Variants in GLIS3 observed in about 807,000 individuals in gnomAD.
The protein encoded by GLIS3 is GLIS family zinc finger 3.
GLIS3 carries 53 observed loss-of-function variants against 78.6 expected under a neutral mutation model. The observed-to-expected ratio is 0.67, with a 90% CI of 0.54 to 0.85. The LOEUF is 0.85. GLIS3 is among the 40% of genes least tolerant of loss of function. The probability of loss-of-function intolerance (pLI) is 0.00; values close to 1 mark genes in which losing one functional copy is unlikely to be tolerated. For missense variants in GLIS3, 1,703 were observed against 1,231.1 expected, an observed-to-expected ratio of 1.38 and a Z score of -5.74; for synonymous variants, 684 against 509.9, an observed-to-expected ratio of 1.34 and a Z score of -4.60.
chr9:4,132,959 G>A (rs1833088043), intron 2 of GLIS3, among the ~76,000 whole-genome samples: 1 of 152,094 alleles, frequency 6.6e-6, no homozygotes. Context: ...TAACTCATAA[G>A]GTTGTTCTGA....
chr9:3,832,150 T>C (rs549740013), intron 9 of GLIS3, among the ~76,000 whole-genome samples: 3 of 151,062 alleles, frequency 2.0e-5, no homozygotes, highest in South Asian at 2.1e-4. Flanking sequence ...TACTGCGTTA[T>C]AAAGATTAAA....
At chr9:4,260,162 G>C (rs1300095846) in intron 2 of GLIS3, among the ~76,000 whole-genome samples, 1 of 152,228 alleles carries the variant, frequency 6.6e-6, no homozygotes, top group Non-Finnish European at 1.5e-5. Flanking sequence ...CATTGGGCCA[G>C]GCCCGATGGC....
intron 4 of GLIS3, among the ~76,000 whole-genome samples, chr9:3,981,071 G>A (rs1472935316): frequency 6.6e-6 from 1 of 152,204 alleles, no homozygotes; most frequent in Non-Finnish European, 1.5e-5. Flanking sequence ...GAACTGAGAG[G>A]AGGGGGTCAG....
At chr9:4,439,089 CGCTTTCAT>C in the GLIS3 span, among the ~76,000 whole-genome samples, 3 of 152,108 alleles carry the variant, frequency 2.0e-5, no homozygotes, top group African/African-American at 7.2e-5. Flanking sequence ...CTCTTCAACA[CGCTTTCAT>C]GTTTTACCCC....
At chr9:3,964,026 C>A (rs1320711183) in intron 4 of GLIS3, among the ~76,000 whole-genome samples, 1 of 152,144 alleles carries the variant, frequency 6.6e-6, no homozygotes, top group Non-Finnish European at 1.5e-5. Flanking sequence ...AACTGCGTCC[C>A]CGCACACTAA....
chr9:4,349,995 A>T (rs557557360), upstream of GLIS3, among the ~76,000 whole-genome samples: 17 of 152,316 alleles, frequency 1.1e-4, no homozygotes, highest in African/African-American at 3.1e-4. Flanking sequence ...CAGGAATGTG[A>T]AAGAGACTTA....
intron 4 of GLIS3, among the ~76,000 whole-genome samples, chr9:3,940,865 G>C (rs950456646): frequency 1.3e-5 from 2 of 152,134 alleles, no homozygotes; most frequent in Non-Finnish European, 2.9e-5. Flanking sequence ...AAAATACTGA[G>C]TAAGCTCTGT....
chr9:4,236,919 T>G (rs1822808237), intron 2 of GLIS3, among the ~76,000 whole-genome samples: 1 of 152,170 alleles, frequency 6.6e-6, no homozygotes, highest in Non-Finnish European at 1.5e-5. Context: ...TAAAAATATT[T>G]TTTTGAAACC....
At chr9:4,277,246 G>T (rs181442006) in intron 2 of GLIS3, among the ~76,000 whole-genome samples, 1 of 152,278 alleles carries the variant, frequency 6.6e-6, no homozygotes. Context: ...CTAAGTATAG[G>T]AAAGTAACAT....
At chr9:4,395,449 GC>G in the GLIS3 span, among the ~76,000 whole-genome samples, 2 of 152,102 alleles carry the variant, frequency 1.3e-5, no homozygotes, top group East Asian at 3.8e-4. Context: ...CCTCCAGTAG[GC>G]AGCCTGAGAT....
intron 4 of GLIS3, among the ~76,000 whole-genome samples, chr9:4,058,309 G>A (rs1376051577): frequency 1.3e-5 from 2 of 150,916 alleles, no homozygotes; most frequent in Non-Finnish European, 3.0e-5. Flanking sequence ...TACACAATAA[G>A]GCATAAAAAA....
chr9:4,356,473 C>G, the GLIS3 span, among the ~76,000 whole-genome samples: 1 of 152,170 alleles, frequency 6.6e-6, no homozygotes, highest in East Asian at 1.9e-4. Context: ...ACATGGAGAG[C>G]AGAGAAAATG....
At chr9:4,243,807 C>T (rs1330873699) in intron 2 of GLIS3, among the ~76,000 whole-genome samples, 1 of 152,178 alleles carries the variant, frequency 6.6e-6, no homozygotes, top group Non-Finnish European at 1.5e-5. Flanking sequence ...GAGTTTGTAA[C>T]TACCACAATG....
At chr9:4,312,634 T>A (rs1817382797) in intron 2 of GLIS3, among the ~76,000 whole-genome samples, 2 of 152,250 alleles carry the variant, frequency 1.3e-5, no homozygotes, top group South Asian at 4.1e-4. Flanking sequence ...GCATTCCTTG[T>A]CTTCCTCTCT....
rs188330875 is a variant in GLIS3, at chr9:4,038,484, A to G, written c.1710+79284T>C. ...CCTTTCAGAGAAATGACCACTTGTAAAGAGACTGACGTATGGGAGATCAAA... is the reference window on the plus strand; with the variant it reads ...CCTTTCAGAGAAATGACCACTTGTAGAGAGACTGACGTATGGGAGATCAAA... On this transcript the variant is annotated intron_variant, in intron 4 of 10. Transcript: ENST00000381971. 3.3e-4 allele frequency among the ~76,000 whole-genome samples: 50 copies of G among 152,340 alleles called. 1 individual carries two copies. The highest frequency in any genetic ancestry group is 3.3e-3 in the Admixed American group (50 of 15,304).
chr9:4,275,283 CA>C (rs1382547594), intron 2 of GLIS3, among the ~76,000 whole-genome samples: 3 of 152,094 alleles, frequency 2.0e-5, no homozygotes, highest in Non-Finnish European at 4.4e-5. Flanking sequence ...AGTAAGTGCC[CA>C]TTTCTTCAGC....
At chr9:4,289,546 C>T (rs542635821) in intron 1 of GLIS3, among the ~76,000 whole-genome samples, 1 of 152,128 alleles carries the variant, frequency 6.6e-6, no homozygotes, top group Non-Finnish European at 1.5e-5. Context: ...AAAAACTTAA[C>T]TGACAGGATT....
chr9:4,166,585 G>A (rs573425838), intron 2 of GLIS3, among the ~76,000 whole-genome samples: 1 of 152,300 alleles, frequency 6.6e-6, no homozygotes, highest in East Asian at 1.9e-4. Context: ...GGCCAACCTT[G>A]GAAAGGCCCC....
chr9:4,092,852 T>A (rs934608833), intron 4 of GLIS3, among the ~76,000 whole-genome samples: 1 of 152,270 alleles, frequency 6.6e-6, no homozygotes, highest in African/African-American at 2.4e-5. Flanking sequence ...CAGATTTTTA[T>A]TATCAAGTAT....
Sources: allele counts gnomAD v4.1 joint callset (sites outside exome capture counted in the v4.1 genomes callset), GRCh38; gene constraint gnomAD v4.1.1; transcripts MANE v1.5; gene names NCBI Gene and HGNC (gene_info 2026-07-23, HGNC 2026-07-21).